ARAP1: variants seen among roughly 807,000 people sequenced by gnomAD.
The protein encoded by ARAP1 is arf-GAP with Rho-GAP domain, ANK repeat and PH domain-containing protein 1.
ARAP1 carries 76 observed loss-of-function variants against 172.2 expected under a neutral mutation model. The ratio of observed to expected loss-of-function variants is 0.44; its 90% CI spans 0.37 to 0.53. The LOEUF is 0.53. Ranked by LOEUF, ARAP1 falls within the 20% of genes least tolerant of loss-of-function variation. The pLI, the probability that ARAP1 is intolerant of heterozygous loss-of-function variation, is 0.00. For synonymous variants in ARAP1, 804 were observed against 803.3 expected (o/e 1.00, Z -0.01); for missense variants, 1,686 against 1,977.5 (o/e 0.85, Z 2.80).
intron 3 of ARAP1, chr11:72,722,024 G>C (rs1857534089): frequency 2.0e-6 from 2 of 985,624 alleles, no homozygotes; most frequent in Admixed American, 6.1e-5. Context: ...CGTTCTCTTG[G>C]AGGTTTTTGA....
chr11:72,745,182 CTTTTTTTTTTTTT>C (rs902550014), intron 1 of ARAP1, among the ~76,000 whole-genome samples: 2 of 88,306 alleles, frequency 2.3e-5, no homozygotes, highest in South Asian at 4.4e-4. Flanking sequence ...AAGTTTCTTT[CTTTTTTTTTTTTT>C]TTTTTTTTTT....
At chr11:72,743,722 G>A (rs56251316) in intron 1 of ARAP1, among the ~76,000 whole-genome samples, 3,671 of 152,152 alleles carry the variant, frequency 0.024, 145 homozygotes, top group African/African-American at 0.084. Flanking sequence ...CTGCTGGACC[G>A]GCCCCTTAAA....
intron 1 of ARAP1, among the ~76,000 whole-genome samples, chr11:72,745,619 G>A (rs1858342708): frequency 7.1e-6 from 1 of 140,070 alleles, no homozygotes; most frequent in Admixed American, 7.1e-5. Flanking sequence ...TACCCGCATG[G>A]AGTACCCACT....
intron 3 of ARAP1, among the ~76,000 whole-genome samples, chr11:72,720,635 G>A (rs935596231): frequency 6.6e-6 from 1 of 152,058 alleles, no homozygotes; most frequent in Admixed American, 6.5e-5. Context: ...ATACAGCAGT[G>A]CCCAGTTAAC....
At position 72,697,050 on chromosome 11, in the gene ARAP1, G is replaced by T. The variant is rs760198795; in HGVS notation, c.3099C>A (p.Arg1033=). 1 of 1,610,212 alleles carries T rather than the reference G, an allele frequency of 6.2e-7. No homozygotes were observed. Among genetic ancestry groups the T allele is most frequent in the Admixed American group, 1.7e-5 (1 of 60,022 alleles). ...HVDDVSSALK[R]FLRDLPDGLF... is the part of the protein sequence containing the mutation. ...GCCCATCAGGCAGGTCGCGCAGGAA[G>T]CGCTTGAGCGCCGAGGAAACATCAT... The change falls in exon 22 of 35, where the codon CGC becomes CGA. Residue 1033 remains arginine, a synonymous_variant. Coordinates refer to ENST00000393609, the MANE Select transcript of ARAP1 (RefSeq NM_001040118.3).
chr11:72,710,335 G>A lies in ARAP1; in HGVS notation c.1416+50C>T. On this transcript the variant is annotated intron_variant, in intron 10 of 34. Coordinates refer to ENST00000393609, the MANE Select transcript of ARAP1 (RefSeq NM_001040118.3). The surrounding 1 kb of genome is among the most constrained non-coding windows in gnomAD (Gnocchi z 4.3). ...GGCTAAGGCCCTAGGTCAGCCTGGGGCAGGGTAGGTGGACATGGGCAGGGG... is the reference window on the plus strand; with the variant it reads ...GGCTAAGGCCCTAGGTCAGCCTGGGACAGGGTAGGTGGACATGGGCAGGGG... 6.2e-7 allele frequency: 1 copy of A among 1,603,752 alleles called. No homozygotes were observed. The highest frequency in any genetic ancestry group is 8.5e-7 in the Non-Finnish European group (1 of 1,171,980).
rs750006146 is a variant in ARAP1, at chr11:72,707,158, G to A, written c.1723+17C>T. On this transcript the variant is annotated intron_variant, in intron 12 of 34. Transcript: ENST00000393609. Reference sequence around the variant, plus strand: ...CCGCCATGCCTCTGCCTGGTGCCCCGACCCCCATGCACACACCTGCACAGC... The same window carrying A: ...CCGCCATGCCTCTGCCTGGTGCCCCAACCCCCATGCACACACCTGCACAGC... 3.4e-5 allele frequency: 52 copies of A among 1,544,752 alleles called. No individual in the cohort carries two copies. Among genetic ancestry groups the A allele is most frequent in the Non-Finnish European group, 4.1e-5 (47 of 1,139,770 alleles).
chr11:72,717,206 CT>C (rs1857313886), intron 3 of ARAP1, among the ~76,000 whole-genome samples: 2 of 152,280 alleles, frequency 1.3e-5, no homozygotes, highest in South Asian at 4.1e-4. Flanking sequence ...CCCTTAGAGA[CT>C]TCTTGATGGG....
At chr11:72,730,278 A>G (rs762006665) in intron 2 of ARAP1, among the ~76,000 whole-genome samples, 45 of 152,230 alleles carry the variant, frequency 3.0e-4, no homozygotes, top group Non-Finnish European at 5.9e-4. Flanking sequence ...CCCCCACACT[A>G]GGAAATATGA....
Position 72,726,961 on chromosome 11 carries a change from G to A in ARAP1, c.168C>T (p.His56=). The stretch of plus-strand genomic sequence containing the variant: ...GCAGGCCAGCCAGGATGCGGCGGCG[G>A]TGACCAGGGAGTAGCATGCCCATGT... ...LMDMGMLLPG[H]RRRILAGLLR... Residue 56 remains histidine (H), a synonymous_variant, in exon 3 of 35, where the codon CAC becomes CAT. Transcript: ENST00000393609. The surrounding 1 kb of genome is among the most constrained non-coding windows in gnomAD (Gnocchi z 6.5). The A allele has an allele frequency of 3.7e-6, 6 of 1,601,066 alleles. No individual in the cohort carries two copies. The highest frequency in any genetic ancestry group is 2.2e-5 in the South Asian group (2 of 89,098).
intron 34 of ARAP1, 36 bp downstream of exon 34, chr11:72,686,006 C>T (rs1226726808): frequency 6.2e-7 from 1 of 1,613,804 alleles, no homozygotes; most frequent in Admixed American, 1.7e-5. Flanking sequence ...AGCCAGGCCC[C>T]CAGCCCCCTG....
At chr11:72,733,722 A>G (rs764957377) in intron 1 of ARAP1, among the ~76,000 whole-genome samples, 6 of 152,240 alleles carry the variant, frequency 3.9e-5, no homozygotes, top group Non-Finnish European at 4.4e-5. Context: ...TGAACATTTT[A>G]CATCTTACAA....
At chr11:72,718,016 G>T (rs1484496934) in intron 3 of ARAP1, among the ~76,000 whole-genome samples, 1 of 152,184 alleles carries the variant, frequency 6.6e-6, no homozygotes, top group Non-Finnish European at 1.5e-5. Flanking sequence ...GAGGGAAACA[G>T]ATGCAAAGGG....
At chr11:72,690,056 T>C (rs4944668) in intron 30 of ARAP1, among the ~76,000 whole-genome samples, 52,312 of 151,624 alleles carry the variant, frequency 0.35, 9,378 homozygotes, top group African/African-American at 0.43. Flanking sequence ...AGGTTCTGGG[T>C]ATGAGGAAGG....
rs953623838 is a variant in ARAP1, at chr11:72,699,556, G to A, written c.2303-4C>T. ...ACACACCAGCGCCGGCTGAACTCTG[G>A]GGAGAATTTGGGCAGGGGAGCCATC... On this transcript the variant is annotated splice_polypyrimidine_tract_variant and splice_region_variant and intron_variant, in intron 16 of 34. Coordinates refer to ENST00000393609, the MANE Select transcript of ARAP1 (RefSeq NM_001040118.3). The surrounding 1 kb of genome is among the most constrained non-coding windows in gnomAD (Gnocchi z 4.2). The A allele has an allele frequency of 6.2e-7, 1 of 1,610,432 alleles. No individual in the cohort carries two copies. The highest frequency in any genetic ancestry group is 8.5e-7 in the Non-Finnish European group (1 of 1,178,458).
chr11:72,707,272 C>T lies in ARAP1; in HGVS notation c.1626G>A (p.Trp542Ter). ...CACAGAACCTGTTGGGGGCTGCAGCCCAGATGCGCTCGGCCACCTCCGAGG... is the reference window on the plus strand; with the variant it reads ...CACAGAACCTGTTGGGGGCTGCAGCTCAGATGCGCTCGGCCACCTCCGAGG... Reference protein sequence around the residue: ...LSTSEVAERIWAAAPNRFCAD... With the variant: ...LSTSEVAERI The change falls in exon 12 of 35, where the codon TGG becomes TGA. Residue 542 changes from tryptophan to a stop codon, truncating the protein, a stop_gained. Transcript: ENST00000393609. LOFTEE classifies it high-confidence loss of function. 1 of 1,613,478 alleles carries T rather than the reference C, an allele frequency of 6.2e-7. No individual in the cohort carries two copies. The highest frequency in any genetic ancestry group is 2.2e-5 in the East Asian group (1 of 44,878).
Position 72,688,519 on chromosome 11 carries a change from C to T in ARAP1, c.4006G>A (p.Glu1336Lys). Residue 1336 changes from glutamate (E) to lysine (K), a missense_variant, in exon 31 of 35, where the codon GAG (glutamate) becomes AAG (lysine). Physicochemically the swap from Glu to Lys is moderately conservative, Grantham distance 56. Coordinates refer to ENST00000393609, the MANE Select transcript of ARAP1 (RefSeq NM_001040118.3). ...ACTTTGAGACTCTTAATAGGCCACT[C>T]CTTCTCAGGCCGGTGACTCTGAGGT... is the stretch of plus-strand genomic sequence containing the variant. ...APETSHRPEK[E>K]WPIKSLKVYL... The T allele has an allele frequency of 1.2e-6, 2 of 1,612,212 alleles. No homozygotes were observed. Among genetic ancestry groups the T allele is most frequent in the Non-Finnish European group, 1.7e-6 (2 of 1,179,232 alleles).
chr11:72,687,934 C>A (rs1179225583), intron 31 of ARAP1, among the ~76,000 whole-genome samples, 196 bp from the exon 32 acceptor site: 1 of 152,154 alleles, frequency 6.6e-6, no homozygotes, highest in African/African-American at 2.4e-5. Context: ...CCCCTAAGCC[C>A]CAGCCCTACC....
rs777681242 is a variant in ARAP1, at chr11:72,692,770, T to C, written c.3970A>G (p.Ser1324Gly). 1 of 1,613,728 alleles carries C rather than the reference T, an allele frequency of 6.2e-7. No individual in the cohort carries two copies. The highest frequency in any genetic ancestry group is 2.2e-5 in the East Asian group (1 of 44,862). Reference protein sequence around the residue: ...YKEVRSQRPWSGAPETSHRPE... With the variant: ...YKEVRSQRPWGGAPETSHRPE... Reference sequence around the variant, plus strand: ...CTACTCACGGTCTCAGGGGCCCCGCTCCACGGCCTCTGGCTCTGTTTGATA... The same window carrying C: ...CTACTCACGGTCTCAGGGGCCCCGCCCCACGGCCTCTGGCTCTGTTTGATA... The change falls in exon 30 of 35, where the codon AGC (serine) becomes GGC (glycine). Residue 1324 changes from serine (S) to glycine (G), a missense_variant. Ser to Gly is a moderately conservative substitution (Grantham distance 56). This residue lies in a region of ARAP1 where 379 missense variants were observed against 500.1 expected (regional missense o/e 0.76). Coordinates refer to ENST00000393609, the MANE Select transcript of ARAP1 (RefSeq NM_001040118.3).
Sources: gnomAD v4.1 joint callset for allele counts (sites outside exome capture counted in the v4.1 genomes callset) on GRCh38, gnomAD v4.1.1 for gene constraint, gnomAD v4.1.1 regional missense constraint, Gnocchi (gnomAD v3.1) non-coding constraint, MANE v1.5 for transcripts, NCBI Gene and HGNC (gene_info 2026-07-23, HGNC 2026-07-21) for gene names.